TTC7B: variants seen among roughly 807,000 people sequenced by gnomAD.
TTC7B encodes the protein tetratricopeptide repeat domain 7B.
A neutral mutation model predicts 106.8 loss-of-function variants in TTC7B; 28 were observed. The ratio of observed to expected loss-of-function variants is 0.26; its 90% CI spans 0.19 to 0.36. TTC7B has a LOEUF of 0.36. TTC7B is among the 10% of genes least tolerant of loss of function. The pLI is 1.00. For missense variants in TTC7B, 862 were observed against 1,076.4 expected (o/e 0.80, Z 2.79); for synonymous variants, 405 against 430.6 (o/e 0.94, Z 0.74).
Position 90,578,000 on chromosome 14 carries a change from G to C in TTC7B, c.2310+106C>G. On this transcript the variant is annotated intron_variant, in intron 19 of 19. Coordinates refer to ENST00000328459, the MANE Select transcript of TTC7B (RefSeq NM_001010854.2). The surrounding 1 kb of genome is among the most constrained non-coding windows in gnomAD (Gnocchi z 5.0). ...TGACAGCCTGGCAAGCTAACTGCAT[G>C]GGGCCTTTGGAAGCAGAAGAGGGTG... 7.4e-7 allele frequency: 1 copy of C among 1,354,452 alleles called. No individual in the cohort carries two copies. The highest frequency in any genetic ancestry group is 1.0e-6 in the Non-Finnish European group (1 of 988,466). 83.9% of individuals were successfully genotyped at this position (1,354,452 alleles called of 1,614,324 possible). A position where few individuals can be genotyped will look rare whatever the true frequency, so the allele number is the denominator to read the frequency against.
intron 5 of TTC7B, among the ~76,000 whole-genome samples, chr14:90,725,433 C>A (rs1889060455): frequency 6.6e-6 from 1 of 152,220 alleles, no homozygotes; most frequent in South Asian, 2.1e-4. Flanking sequence ...ACTCCTTTTC[C>A]TGCCTTCTAA....
At chr14:90,562,106 C>T (rs1890617394) in intron 19 of TTC7B, among the ~76,000 whole-genome samples, 1 of 152,166 alleles carries the variant, frequency 6.6e-6, no homozygotes, top group South Asian at 2.1e-4. Context: ...ACCATCGCCC[C>T]AGCCCGGCCA....
At chr14:90,621,428 G>A (rs2139853123) in intron 15 of TTC7B, among the ~76,000 whole-genome samples, 1 of 151,792 alleles carries the variant, frequency 6.6e-6, no homozygotes, top group East Asian at 1.9e-4. Context: ...CGGGATGATG[G>A]GCAGAAGCCA....
chr14:90,815,859 ACCT>A (rs2031142612), intron 1 of TTC7B, among the ~76,000 whole-genome samples: 1 of 150,436 alleles, frequency 6.6e-6, no homozygotes, highest in African/African-American at 2.5e-5. Context: ...CCGGCCCCTG[ACCT>A]CCTGTGGTCC....
In TTC7B at chr14:90,644,193, C is replaced by T. The variant is rs1446470795; in HGVS notation, c.1606G>A (p.Gly536Arg). The change falls in exon 15 of 20, where the codon GGG becomes AGG. Residue 536 changes from glycine (G) to arginine (R), a missense_variant. Transcript: ENST00000328459. ...AGCTGAAGAGCTTGGCGGACATACC[C>T]CAGAGCCTCTGGGATCTGGTTTAAA... ...AISRQIPEAL[G>R]YVRQALQLQG... 3 of 1,597,220 alleles carry T rather than the reference C, an allele frequency of 1.9e-6. No homozygotes were observed. The highest frequency in any genetic ancestry group is 2.2e-5 in the East Asian group (1 of 44,762).
intron 15 of TTC7B, among the ~76,000 whole-genome samples, chr14:90,627,598 C>A (rs907951160): frequency 1.3e-5 from 2 of 152,124 alleles, no homozygotes; most frequent in Admixed American, 6.5e-5. Context: ...GGGCCGTGGC[C>A]GTCCCGGGTG....
At chr14:90,597,730 G>A (rs933451572) in intron 17 of TTC7B, among the ~76,000 whole-genome samples, 1 of 152,018 alleles carries the variant, frequency 6.6e-6, no homozygotes, top group African/African-American at 2.4e-5. Context: ...AACTGAAATG[G>A]TAAGTGACTA....
At position 90,655,036 on chromosome 14, in the gene TTC7B, G is replaced by T; in HGVS notation, c.1416C>A (p.Gly472=). 2 of 1,614,234 alleles carry T rather than the reference G, an allele frequency of 1.2e-6. No homozygotes were observed. Among genetic ancestry groups the T allele is most frequent in the Non-Finnish European group, 8.5e-7 (1 of 1,180,026 alleles). ...GEKTSEFKAK[G]YLALGLTYSL... ...TGTACGTGAGCCCCAGAGCTAAGTA[G>T]CCTTTGGCCTTGAACTCTGACGTTT... Residue 472 remains glycine, a synonymous_variant, in exon 12 of 20, where the codon GGC becomes GGA. Coordinates refer to ENST00000328459, the MANE Select transcript of TTC7B (RefSeq NM_001010854.2).
chr14:90,802,669 G>A lies in TTC7B; in HGVS notation c.121+13506C>T, dbSNP rs1331103214. Among the ~76,000 whole-genome samples, 2 of 152,166 alleles carry A rather than the reference G, an allele frequency of 1.3e-5. No individual in the cohort carries two copies. The highest frequency in any genetic ancestry group is 6.5e-5 in the Admixed American group (1 of 15,268). ...ATGGGAATCCGACCTACTGAAGAGC[G>A]GCGGTGCTCCTCCCGGTCTTTGGTC... On this transcript the variant is annotated intron_variant, in intron 1 of 19. Coordinates refer to ENST00000328459, the MANE Select transcript of TTC7B (RefSeq NM_001010854.2). The surrounding 1 kb of genome is among the most constrained non-coding windows in gnomAD (Gnocchi z 4.7).
intron 17 of TTC7B, among the ~76,000 whole-genome samples, chr14:90,599,130 G>A (rs757263654): frequency 1.3e-5 from 2 of 150,980 alleles, no homozygotes; most frequent in African/African-American, 4.9e-5. Context: ...GTGACAGAGC[G>A]AGATTCTGTC....
At chr14:90,803,810 T>TCACA (rs55829726) in intron 1 of TTC7B, among the ~76,000 whole-genome samples, 13 of 150,110 alleles carry the variant, frequency 8.7e-5, no homozygotes, top group East Asian at 2.0e-4. Context: ...AGTACGCTGG[T>TCACA]CACACACACA....
chr14:90,744,619 T>C (rs1400043366), intron 4 of TTC7B, among the ~76,000 whole-genome samples, 173 bp downstream of exon 4: 1 of 152,152 alleles, frequency 6.6e-6, no homozygotes, highest in Non-Finnish European at 1.5e-5. Flanking sequence ...AACCATCTAT[T>C]TTTCATAAGC....
rs1269122145 is a variant in TTC7B, at chr14:90,608,262, A to G, written c.1966+2480T>C. On this transcript the variant is annotated intron_variant, in intron 17 of 19. Coordinates refer to ENST00000328459, the MANE Select transcript of TTC7B (RefSeq NM_001010854.2). This position sits in a 1 kb window ranked among gnomAD's most constrained non-coding sequence, Gnocchi z 5.1. ...CTTTGATTGACACTGTCATTTCAGA[A>G]TATTTTACCCTCGTTTACAAATATG... 1.3e-5 allele frequency among the ~76,000 whole-genome samples: 2 copies of G among 152,188 alleles called. No individual in the cohort carries two copies. The highest frequency in any genetic ancestry group is 2.9e-5 in the Non-Finnish European group (2 of 68,034).
Position 90,626,867 on chromosome 14 carries a change from G to A in TTC7B, c.1752-8822C>T, listed in dbSNP as rs527293374. 7.2e-5 allele frequency among the ~76,000 whole-genome samples: 11 copies of A among 152,244 alleles called. No homozygotes were observed. In the South Asian group the frequency reaches 2.1e-3, roughly 29 times the overall value. The stretch of plus-strand genomic sequence containing the variant: ...AGCATGGATGACTCCTCTCCTAAGC[G>A]CGTCTTCTCTAGGAATGAAGCCCTG... On this transcript the variant is annotated intron_variant, in intron 15 of 19. Coordinates refer to ENST00000328459, the MANE Select transcript of TTC7B (RefSeq NM_001010854.2).
At chr14:90,768,450 G>A (rs1311755490) in intron 3 of TTC7B, among the ~76,000 whole-genome samples, 1 of 152,076 alleles carries the variant, frequency 6.6e-6, no homozygotes, top group Non-Finnish European at 1.5e-5. Context: ...AGAACAGCAT[G>A]GGGAAAACCG....
chr14:90,751,003 G>T (rs935413219), intron 3 of TTC7B, among the ~76,000 whole-genome samples: 3 of 152,168 alleles, frequency 2.0e-5, no homozygotes, highest in South Asian at 2.1e-4. Context: ...GGACAAAATT[G>T]GTCCCCATTA....
intron 3 of TTC7B, among the ~76,000 whole-genome samples, chr14:90,766,093 A>G (rs1890666300): frequency 2.0e-5 from 3 of 151,848 alleles, no homozygotes; most frequent in Admixed American, 6.6e-5. Flanking sequence ...GACCTCAAAT[A>G]TATACCCCAG....
At chr14:90,552,014 T>G (rs1050698412) in intron 19 of TTC7B, among the ~76,000 whole-genome samples, 4 of 152,246 alleles carry the variant, frequency 2.6e-5, no homozygotes, top group African/African-American at 9.6e-5. Flanking sequence ...TTGTTCTCAG[T>G]GCTTAGAAAT....
rs535611118 is a variant in TTC7B, at chr14:90,579,264, C to T, written c.2108-956G>A. 5.3e-5 allele frequency among the ~76,000 whole-genome samples: 8 copies of T among 152,352 alleles called. 1 individual carries two copies. Among genetic ancestry groups the T allele is most frequent in the African/African-American group, 1.7e-4 (7 of 41,584 alleles). ...GGCCAGCAGGGCCACATGGTCAAGT[C>T]TGCAGCCCAGAGCCTCACGCAGAGG... On this transcript the variant is annotated intron_variant, in intron 18 of 19. Coordinates refer to ENST00000328459, the MANE Select transcript of TTC7B (RefSeq NM_001010854.2).
Sources: gnomAD v4.1 joint callset for allele counts (sites outside exome capture counted in the v4.1 genomes callset) on GRCh38, gnomAD v4.1.1 for gene constraint, Gnocchi (gnomAD v3.1) non-coding constraint, MANE v1.5 for transcripts, NCBI Gene and HGNC (gene_info 2026-07-23, HGNC 2026-07-21) for gene names.